Variants in LPA observed in about 807,000 individuals in gnomAD.
LPA encodes the protein lipoprotein(a).
LPA carries 199 observed loss-of-function variants against 197.9 expected under a neutral mutation model. The observed-to-expected ratio is 1.01, with a 90% CI of 0.90 to 1.13. The LOEUF (loss-of-function observed/expected upper bound fraction) is 1.13. Ranked by LOEUF, LPA falls within the 50% of genes most tolerant of loss-of-function variation. The pLI, the probability that LPA is intolerant of heterozygous loss-of-function variation, is 0.00. For missense variants in LPA, 1,853 were observed against 1,785.8 expected, an observed-to-expected ratio of 1.04 and a Z score of -0.68; for synonymous variants, 715 against 639.5, an observed-to-expected ratio of 1.12 and a Z score of -1.78.
chr6:160,663,946 A>T (rs1780266670), intron 1 of LPA, among the ~76,000 whole-genome samples: 1 of 152,220 alleles, frequency 6.6e-6, no homozygotes, highest in Non-Finnish European at 1.5e-5. Context: ...AGAAAAATCA[A>T]CCATTATTTT....
intron 22 of LPA, among the ~76,000 whole-genome samples, chr6:160,593,527 T>C (rs1261873195): frequency 6.6e-6 from 1 of 152,200 alleles, no homozygotes; most frequent in Non-Finnish European, 1.5e-5. Flanking sequence ...AGAAAGTGAT[T>C]GGAAGATCTG....
At chr6:160,543,655 T>C (rs1373188668) in intron 33 of LPA, among the ~76,000 whole-genome samples, 1 of 152,240 alleles carries the variant, frequency 6.6e-6, no homozygotes, top group Non-Finnish European at 1.5e-5. Context: ...CAATTTCTGC[T>C]AGTATGCCTT....
chr6:160,548,517 C>G lies in LPA; in HGVS notation c.5116G>C (p.Val1706Leu), dbSNP rs1229734530. The change falls in exon 31 of 39, where the codon GTC becomes CTC. Residue 1706 changes from valine (V) to leucine (L), a missense_variant. By Grantham distance (32) the Val-to-Leu change is conservative. This residue lies in a region of LPA where 1,737 missense variants were observed against 1,504.4 expected (regional missense o/e 1.15). Transcript: ENST00000316300. ...GGCCCTAGGCTTGGAACCTGGATGA[C>G]AGTCGGAGGAGCGACCACAGTCCCT... The part of the protein sequence containing the change: ...TEGTVVAPPT[V>L]IQVPSLGPPS... 1 of 1,614,056 alleles carries G rather than the reference C, an allele frequency of 6.2e-7. No homozygotes were observed. The highest frequency in any genetic ancestry group is 1.7e-5 in the Admixed American group (1 of 60,014).
intron 29 of LPA, among the ~76,000 whole-genome samples, chr6:160,556,477 A>C (rs543606281): frequency 6.6e-6 from 1 of 152,246 alleles, no homozygotes; most frequent in East Asian, 1.9e-4. Flanking sequence ...CTGGTTGTTC[A>C]TGAAAACAAT....
intron 30 of LPA, among the ~76,000 whole-genome samples, chr6:160,551,290 C>G (rs752159406): frequency 3.3e-5 from 5 of 152,110 alleles, no homozygotes; most frequent in Non-Finnish European, 5.9e-5. Context: ...TTTTTCATGG[C>G]TGAGATACTG....
intron 28 of LPA, among the ~76,000 whole-genome samples, chr6:160,558,171 G>A (rs1291258924): frequency 4.6e-5 from 7 of 151,938 alleles, no homozygotes; most frequent in South Asian, 4.2e-4. Context: ...CACCCACCTC[G>A]GCCTCCCAAA....
intron 30 of LPA, among the ~76,000 whole-genome samples, chr6:160,553,154 G>A (rs769495716): frequency 5.3e-5 from 8 of 151,896 alleles, no homozygotes; most frequent in African/African-American, 1.5e-4. Context: ...TACTACATAC[G>A]TTGAAACAAC....
chr6:160,557,248 CAGAG>C, intron 29 of LPA, 138 bp downstream of exon 29: 1 of 1,030,222 alleles, frequency 9.7e-7, no homozygotes, highest in South Asian at 1.4e-5. Flanking sequence ...ATTGCTCCAC[CAGAG>C]AGAGTGCTGA....
chr6:160,605,344 T>C (rs1779325420), intron 17 of LPA, 139 bp from the exon 18 acceptor site: 1 of 1,098,138 alleles, frequency 9.1e-7, no homozygotes, highest in Non-Finnish European at 1.4e-6. Context: ...TTCTTGTTTC[T>C]TTATTTGTAG....
At chr6:160,661,627 T>C (rs1259851708) in intron 1 of LPA, among the ~76,000 whole-genome samples, 1 of 152,214 alleles carries the variant, frequency 6.6e-6, no homozygotes, top group Admixed American at 6.5e-5. Context: ...CAATTTAATA[T>C]GCTCTATGCT....
chr6:160,580,790 T>C (rs1180940854), intron 26 of LPA, among the ~76,000 whole-genome samples: 8 of 152,216 alleles, frequency 5.3e-5, no homozygotes, highest in Non-Finnish European at 1.0e-4. Context: ...GGAGAAATGT[T>C]TCTATACTCT....
At chr6:160,653,960 TATATA>T (rs1193994128) in intron 1 of LPA, among the ~76,000 whole-genome samples, 1 of 28,910 alleles carries the variant, frequency 3.5e-5, no homozygotes, top group African/African-American at 1.5e-4. Flanking sequence ...TTATATATAA[TATATA>T]TTATATATAA....
intron 20 of LPA, among the ~76,000 whole-genome samples, chr6:160,596,724 G>T (rs1160752182): frequency 1.3e-5 from 2 of 152,134 alleles, no homozygotes; most frequent in African/African-American, 2.4e-5. Flanking sequence ...TGTCTCTGAA[G>T]GTACTCAAAG....
At chr6:160,603,937 G>T (rs1779293159) in intron 18 of LPA, among the ~76,000 whole-genome samples, 1 of 152,146 alleles carries the variant, frequency 6.6e-6, no homozygotes, top group South Asian at 2.1e-4. Context: ...CCTCCAGCTG[G>T]TCAGAACTCC....
At chr6:160,581,543 C>T (rs567241078) in intron 26 of LPA, among the ~76,000 whole-genome samples, 2 of 152,134 alleles carry the variant, frequency 1.3e-5, no homozygotes, top group Admixed American at 1.3e-4. Context: ...CTCAGGCAAT[C>T]CTCTCATCTT....
intron 37 of LPA, among the ~76,000 whole-genome samples, chr6:160,535,571 G>T (rs1003537804): frequency 1.8e-4 from 27 of 150,456 alleles, no homozygotes; most frequent in Non-Finnish European, 2.8e-4. Context: ...TAGTAATGAT[G>T]ATGGTGGTGG....
chr6:160,648,619 G>T (rs554369805), intron 2 of LPA, among the ~76,000 whole-genome samples: 1 of 151,944 alleles, frequency 6.6e-6, no homozygotes, highest in African/African-American at 2.4e-5. Flanking sequence ...CGTGTGTTTT[G>T]TATGTGTGTA....
At chr6:160,597,072 A>G (rs1321092104) in intron 20 of LPA, among the ~76,000 whole-genome samples, 1 of 152,224 alleles carries the variant, frequency 6.6e-6, no homozygotes, top group Non-Finnish European at 1.5e-5. Context: ...TTTTAAATCT[A>G]TGGAGACTTG....
chr6:160,552,301 T>C (rs757849155), intron 30 of LPA, among the ~76,000 whole-genome samples: 27 of 152,202 alleles, frequency 1.8e-4, no homozygotes, highest in Non-Finnish European at 3.7e-4. Flanking sequence ...AAAGGACTGT[T>C]GCAATAGTGC....
Sources: gnomAD v4.1 joint callset for allele counts (sites outside exome capture counted in the v4.1 genomes callset) on GRCh38, gnomAD v4.1.1 for gene constraint, gnomAD v4.1.1 regional missense constraint, MANE v1.5 for transcripts, NCBI Gene and HGNC (gene_info 2026-07-23, HGNC 2026-07-21) for gene names.